Variants in PEPD observed in about 807,000 individuals in gnomAD.
The protein encoded by PEPD is peptidase D, also known as xaa-Pro dipeptidase.
In PEPD, 53 loss-of-function variants were observed where a neutral mutation model predicts 60.7. The ratio of observed to expected loss-of-function variants is 0.87; its 90% CI spans 0.70 to 1.10. The LOEUF (loss-of-function observed/expected upper bound fraction) is 1.10, where lower values mean the gene tolerates loss of function less well. Among genes scored for constraint, PEPD ranks in the 50% least tolerant of loss-of-function variants. The probability of loss-of-function intolerance (pLI) is 0.00; values close to 1 mark genes in which losing one functional copy is unlikely to be tolerated. For missense variants in PEPD, 711 were observed against 711.9 expected, an observed-to-expected ratio of 1.00 and a Z score of 0.01; for synonymous variants, 267 against 284.1, an observed-to-expected ratio of 0.94 and a Z score of 0.60.
At chr19:33,387,857 C>T (rs1285658086) in intron 14 of PEPD, 33 bp downstream of exon 14, 1 of 1,523,258 alleles carries the variant, frequency 6.6e-7, no homozygotes, top group Non-Finnish European at 8.9e-7. Flanking sequence ...GGCAGATGTT[C>T]TGGGAGCAAG....
At chr19:33,440,592 C>G (rs1192032038) in intron 9 of PEPD, among the ~76,000 whole-genome samples, 1 of 152,170 alleles carries the variant, frequency 6.6e-6, no homozygotes, top group African/African-American at 2.4e-5. Context: ...AGCTCAGTCC[C>G]TCGCCCACTT....
chr19:33,493,902 C>T (rs1970547179), intron 4 of PEPD, among the ~76,000 whole-genome samples: 2 of 152,222 alleles, frequency 1.3e-5, no homozygotes, highest in East Asian at 1.9e-4. Context: ...ACTTCCCGGC[C>T]CAAGCCCTTG....
chr19:33,476,398 C>G (rs553489202), intron 7 of PEPD, among the ~76,000 whole-genome samples: 1 of 152,318 alleles, frequency 6.6e-6, no homozygotes, highest in South Asian at 2.1e-4. Flanking sequence ...ATCTGGCCCT[C>G]CCAGTTGTCC....
intron 9 of PEPD, among the ~76,000 whole-genome samples, chr19:33,436,215 G>A (rs538564478): frequency 5.4e-4 from 78 of 145,746 alleles, no homozygotes; most frequent in African/African-American, 2.0e-3. Context: ...AAGAGAAGAG[G>A]GAGAGGGAGA....
chr19:33,467,962 C>A (rs114421298), intron 7 of PEPD, among the ~76,000 whole-genome samples: 20 of 152,056 alleles, frequency 1.3e-4, no homozygotes, highest in African/African-American at 4.6e-4. Flanking sequence ...CCTAATGGAG[C>A]GCAGAGACCA....
At chr19:33,436,221 G>GGAGAGGGAGAGGAGGGA (rs1969373582) in intron 9 of PEPD, among the ~76,000 whole-genome samples, 1 of 151,698 alleles carries the variant, frequency 6.6e-6, no homozygotes, top group Non-Finnish European at 1.5e-5. Context: ...AGAGGGAGAG[G>GGAGAGGGAGAGGAGGGA]GAGAGGGAGA....
rs1218990687 is a variant in PEPD at position 33,401,971 on chromosome 19, G to A, written c.819-102C>T. The A allele has an allele frequency of 1.1e-5, 12 of 1,113,546 alleles. No homozygotes were observed. In the African/African-American group the frequency reaches 1.5e-4, roughly 14 times the overall value. 69.0% of individuals were successfully genotyped at this position (1,113,546 alleles called of 1,614,324 possible). On this transcript the variant is annotated intron_variant, in intron 11 of 14. Coordinates refer to ENST00000244137, the MANE Select transcript of PEPD (RefSeq NM_000285.4). ...CTGGACTCGAGGGCAGCTGGCCCGG[G>A]TCCTGGATGCAACTCCCCCTCACAA...
At chr19:33,432,010 A>AAAAAAAAAAAAAAG (rs1031542443) in intron 9 of PEPD, among the ~76,000 whole-genome samples, 4 of 147,604 alleles carry the variant, frequency 2.7e-5, no homozygotes, top group African/African-American at 1.0e-4. Context: ...AAAAAAAAAA[A>AAAAAAAAAAAAAAG]GGGAAGATTA....
At chr19:33,435,882 C>T (rs576916371) in intron 9 of PEPD, among the ~76,000 whole-genome samples, 36 of 152,292 alleles carry the variant, frequency 2.4e-4, no homozygotes, top group Admixed American at 6.5e-4. Flanking sequence ...AGGTCCTCGG[C>T]CTTCCCAGGG....
chr19:33,462,812 A>T, intron 9 of PEPD, 183 bp downstream of exon 9: 1 of 657,864 alleles, frequency 1.5e-6, no homozygotes, highest in Middle Eastern at 3.4e-4. Flanking sequence ...ACACTCTGCC[A>T]AGAGCCAGGG....
Position 33,453,710 on chromosome 19 carries a change from C to T in PEPD, c.671+9285G>A, listed in dbSNP as rs546531804. Among the ~76,000 whole-genome samples the T allele has an allele frequency of 1.4e-4, 21 of 152,262 alleles. No homozygotes were observed. The East Asian group carries it at 2.5e-3, about 18-fold the overall frequency. ...TATTGCAGTAGTCTGGAGCTGAAGC[C>T]GCAATATCTCTGAGGTATACCTGTA... On this transcript the variant is annotated intron_variant, in intron 9 of 14. Transcript: ENST00000244137.
chr19:33,489,572 T>C (rs1568497826), intron 6 of PEPD, among the ~76,000 whole-genome samples: 1 of 151,122 alleles, frequency 6.6e-6, no homozygotes, highest in Non-Finnish European at 1.5e-5. Context: ...GAGGTTGCAG[T>C]GAGCCAAGAT....
chr19:33,427,127 T>C (rs543833381), intron 9 of PEPD, among the ~76,000 whole-genome samples: 3 of 152,326 alleles, frequency 2.0e-5, no homozygotes, highest in African/African-American at 7.2e-5. Flanking sequence ...ACTTTGAAAG[T>C]CTTTATCTAC....
chr19:33,413,322 C>T lies in PEPD; in HGVS notation c.740+253G>A, dbSNP rs113807838. ...CCAGCTGGGGACAGGAGGGAGGGGA[C>T]GCCAAGCAGCCCCTCTGCAGTGGGC... On this transcript the variant is annotated intron_variant, in intron 10 of 14. Transcript: ENST00000244137. Among the ~76,000 whole-genome samples the T allele has an allele frequency of 3.3e-4, 51 of 152,330 alleles. 2 individuals are homozygous for T. The highest frequency in any genetic ancestry group is 1.1e-3 in the African/African-American group (45 of 41,582).
At chr19:33,413,743 TC>T in intron 9 of PEPD, 100 bp from the exon 10 acceptor site, 1 of 733,710 alleles carries the variant, frequency 1.4e-6, no homozygotes. Flanking sequence ...GCCCATGGTC[TC>T]CCCTGCCGTG....
rs376016676 is a variant in PEPD, at chr19:33,512,694, G to C, written c.100C>G (p.Leu34Val). ...ALNRQRLCERLRKNPAVQAGS... is the reference protein window; with the variant it reads ...ALNRQRLCERVRKNPAVQAGS... ...GCCTGCACAGCAGGGTTCTTCCGCA[G>C]CCGCTCACACAGGCGCTGCCGGTTC... Residue 34 changes from leucine (L) to valine (V), a missense_variant, in exon 2 of 15, where the codon CTG becomes GTG. Coordinates refer to ENST00000244137, the MANE Select transcript of PEPD (RefSeq NM_000285.4). The C allele has an allele frequency of 6.2e-7, 1 of 1,614,054 alleles. No homozygotes were observed. The highest frequency in any genetic ancestry group is 1.7e-5 in the Admixed American group (1 of 60,032).
At chr19:33,495,130 C>T (rs7256257) in intron 4 of PEPD, among the ~76,000 whole-genome samples, 38,927 of 150,878 alleles carry the variant, frequency 0.26, 5,160 homozygotes, top group Non-Finnish European at 0.29. Flanking sequence ...AGCAAGACTC[C>T]GTCTCAAAAA....
chr19:33,492,721 T>A (rs1970523534), intron 5 of PEPD, among the ~76,000 whole-genome samples: 1 of 151,690 alleles, frequency 6.6e-6, no homozygotes, highest in African/African-American at 2.4e-5. Flanking sequence ...ATACATCTTC[T>A]AGCCAGGTTT....
chr19:33,515,228 C>T (rs113752630), intron 1 of PEPD, among the ~76,000 whole-genome samples: 5,200 of 152,234 alleles, frequency 0.034, 139 homozygotes, highest in Non-Finnish European at 0.055. Flanking sequence ...CCACATCAGC[C>T]GCAGCAGGGC....
Sources: gnomAD v4.1 joint callset for allele counts (sites outside exome capture counted in the v4.1 genomes callset) on GRCh38, gnomAD v4.1.1 for gene constraint, MANE v1.5 for transcripts, NCBI Gene and HGNC (gene_info 2026-07-23, HGNC 2026-07-21) for gene names.